SLC25A13: variants seen among roughly 807,000 people sequenced by gnomAD.
The protein encoded by SLC25A13 is solute carrier family 25 member 13, also known as electrogenic aspartate/glutamate antiporter SLC25A13, mitochondrial.
SLC25A13 carries 70 observed loss-of-function variants against 85.5 expected under a neutral mutation model. The observed-to-expected ratio is 0.82, with a 90% CI of 0.68 to 1.00. The LOEUF is 1.00. SLC25A13 is among the 50% of genes least tolerant of loss of function. The pLI is 0.00. For missense variants in SLC25A13, 765 were observed against 819.8 expected (o/e 0.93, Z 0.82); for synonymous variants, 259 against 288.7 (o/e 0.90, Z 1.04).
At chr7:96,272,240 G>A (rs113143884) in intron 3 of SLC25A13, among the ~76,000 whole-genome samples, 1,626 of 151,998 alleles carry the variant, frequency 0.011, 35 homozygotes, top group African/African-American at 0.038. Flanking sequence ...ACCTTCAGAG[G>A]TCTTCCAATT....
intron 3 of SLC25A13, among the ~76,000 whole-genome samples, chr7:96,239,908 C>T (rs899137227): frequency 4.6e-5 from 7 of 152,194 alleles, no homozygotes; most frequent in African/African-American, 7.2e-5. Context: ...CAAAGCACTG[C>T]GTAGTACTAT....
intron 11 of SLC25A13, among the ~76,000 whole-genome samples, chr7:96,180,825 G>T (rs1230712506): frequency 6.6e-6 from 1 of 152,126 alleles, no homozygotes; most frequent in African/African-American, 2.4e-5. Flanking sequence ...TCTTTAATAC[G>T]CCAGATCTAT....
At chr7:96,294,562 T>G (rs1218036332) in intron 2 of SLC25A13, among the ~76,000 whole-genome samples, 2 of 148,666 alleles carry the variant, frequency 1.3e-5, no homozygotes, top group African/African-American at 5.0e-5. Flanking sequence ...TGAGCTGACA[T>G]GCGCAACCTG....
intron 15 of SLC25A13, among the ~76,000 whole-genome samples, chr7:96,125,626 T>TTA (rs1174352834): frequency 4.6e-5 from 7 of 152,190 alleles, no homozygotes; most frequent in Non-Finnish European, 8.8e-5. Context: ...CTCCTTTTCC[T>TTA]TATTACTTTT....
Position 96,194,903 on chromosome 7 carries a change from G to A in SLC25A13, c.469-1720C>T, listed in dbSNP as rs145879296. Among the ~76,000 whole-genome samples, 576 of 152,104 alleles carry A rather than the reference G, an allele frequency of 3.8e-3. 15 individuals are homozygous for A. The highest frequency in any genetic ancestry group is 0.03 in the Admixed American group (462 of 15,270). On this transcript the variant is annotated intron_variant, in intron 5 of 17. Transcript: ENST00000265631. ...TCATTTGTAGCCATCTGCCAGTTTC[G>A]AACCAGCCTGCCTCAGCTGAAACTC...
At chr7:96,289,577 G>A (rs1443398050) in intron 2 of SLC25A13, among the ~76,000 whole-genome samples, 5 of 152,186 alleles carry the variant, frequency 3.3e-5, no homozygotes, top group African/African-American at 1.2e-4. Context: ...ACCTGATGGA[G>A]CTGAAAACCA....
At chr7:96,208,601 G>T (rs972221436) in intron 5 of SLC25A13, among the ~76,000 whole-genome samples, 5 of 150,690 alleles carry the variant, frequency 3.3e-5, no homozygotes, top group Non-Finnish European at 5.9e-5. Context: ...CACCTCCCAA[G>T]TTCACACCAT....
intron 3 of SLC25A13, among the ~76,000 whole-genome samples, chr7:96,260,592 T>C (rs1398557644): frequency 6.6e-6 from 1 of 152,106 alleles, no homozygotes; most frequent in African/African-American, 2.4e-5. Context: ...TAATTGCATG[T>C]TTAACAGGGA....
chr7:96,184,426 G>A lies in SLC25A13; in HGVS notation c.1028C>T (p.Ala343Val). The A allele has an allele frequency of 1.2e-6, 2 of 1,613,978 alleles. No homozygotes were observed. Among genetic ancestry groups the A allele is most frequent in the African/African-American group, 1.3e-5 (1 of 75,052 alleles). ...GLGSVAGAVGATAVYPIDLVK... is the reference protein window; with the variant it reads ...GLGSVAGAVGVTAVYPIDLVK... ...AAGATCGATAGGATACACAGCAGTG[G>A]CTCCAACAGCTAAAATTAAACAATA... Residue 343 changes from alanine to valine, a missense_variant, in exon 11 of 18, where the codon GCC becomes GTC. Transcript: ENST00000265631.
intron 3 of SLC25A13, among the ~76,000 whole-genome samples, chr7:96,256,285 A>G (rs1438767677): frequency 6.6e-6 from 1 of 152,190 alleles, no homozygotes; most frequent in Non-Finnish European, 1.5e-5. Context: ...AAATGGGATA[A>G]AGAGTCAAGA....
At chr7:96,205,215 A>G (rs60861946) in intron 5 of SLC25A13, among the ~76,000 whole-genome samples, 6,441 of 152,286 alleles carry the variant, frequency 0.042, 444 homozygotes, top group African/African-American at 0.15. Flanking sequence ...GCCCATTAAT[A>G]CTATTTATCA....
chr7:96,155,014 G>A (rs1007680313), intron 13 of SLC25A13, among the ~76,000 whole-genome samples: 1 of 152,034 alleles, frequency 6.6e-6, no homozygotes, highest in Non-Finnish European at 1.5e-5. Flanking sequence ...TGCCCAGGCT[G>A]GTCTCAAACT....
At chr7:96,232,334 G>C (rs1404768547) in intron 4 of SLC25A13, among the ~76,000 whole-genome samples, 2 of 151,958 alleles carry the variant, frequency 1.3e-5, no homozygotes, top group East Asian at 3.9e-4. Flanking sequence ...ACTAATGTGG[G>C]AACAGAAAAC....
intron 3 of SLC25A13, among the ~76,000 whole-genome samples, chr7:96,236,537 G>A (rs1796751329): frequency 6.6e-6 from 1 of 152,216 alleles, no homozygotes; most frequent in South Asian, 2.1e-4. Flanking sequence ...TGGCGGCATG[G>A]TATTTGAAGA....
chr7:96,146,509 A>C, intron 14 of SLC25A13, 47 bp downstream of exon 14: 1 of 1,593,470 alleles, frequency 6.3e-7, no homozygotes, highest in South Asian at 1.1e-5. Context: ...CTGCATTAGG[A>C]GATGAGAAAG....
At chr7:96,211,176 T>C (rs1795681215) in intron 4 of SLC25A13, among the ~76,000 whole-genome samples, 1 of 152,198 alleles carries the variant, frequency 6.6e-6, no homozygotes, top group South Asian at 2.1e-4. Flanking sequence ...TATTTATCTA[T>C]AATTAAAGTA....
At chr7:96,235,356 T>C (rs144074816) in intron 3 of SLC25A13, among the ~76,000 whole-genome samples, 121 of 152,330 alleles carry the variant, frequency 7.9e-4, no homozygotes, top group African/African-American at 2.9e-3. Flanking sequence ...TACTGGTATT[T>C]ACTGACCACC....
intron 12 of SLC25A13, among the ~76,000 whole-genome samples, chr7:96,171,023 G>T (rs1316303312): frequency 6.6e-6 from 1 of 152,168 alleles, no homozygotes; most frequent in Non-Finnish European, 1.5e-5. Flanking sequence ...GTAATAGAAA[G>T]ACATGCTCTG....
intron 14 of SLC25A13, among the ~76,000 whole-genome samples, chr7:96,145,425 A>G (rs1371867060): frequency 6.6e-6 from 1 of 152,212 alleles, no homozygotes; most frequent in Non-Finnish European, 1.5e-5. Flanking sequence ...AAAAGAGTAA[A>G]AAAGTATTTC....
Sources: gnomAD v4.1 joint callset for allele counts (sites outside exome capture counted in the v4.1 genomes callset) on GRCh38, gnomAD v4.1.1 for gene constraint, MANE v1.5 for transcripts, NCBI Gene and HGNC (gene_info 2026-07-23, HGNC 2026-07-21) for gene names.